The following PRKG1 variants were observed in gnomAD, a reference collection of about 807,000 sequenced individuals.
The protein encoded by PRKG1 is cGMP-dependent protein kinase 1.
A neutral mutation model predicts 88.1 loss-of-function variants in PRKG1; 35 were observed. That is an observed-to-expected ratio of 0.40 (90% confidence interval 0.30 to 0.53). The LOEUF is 0.53. Among genes scored for constraint, PRKG1 ranks in the 20% least tolerant of loss-of-function variants. The pLI, the probability that PRKG1 is intolerant of heterozygous loss-of-function variation, is 0.59. For synonymous variants in PRKG1, 303 were observed against 292.5 expected (o/e 1.04, Z -0.37); for missense variants, 540 against 839.8 (o/e 0.64, Z 4.41).
intron 3 of PRKG1, among the ~76,000 whole-genome samples, chr10:51,577,004 A>G (rs1837905378): frequency 6.6e-6 from 1 of 151,996 alleles, no homozygotes; most frequent in African/African-American, 2.4e-5. Context: ...TACTTTTTTA[A>G]AAAATAGAAC....
chr10:52,230,550 A>G (rs1052863806), intron 9 of PRKG1, among the ~76,000 whole-genome samples: 3 of 152,192 alleles, frequency 2.0e-5, no homozygotes, highest in Non-Finnish European at 2.9e-5. Flanking sequence ...CCAGTGAGTA[A>G]TGGAATTGGG....
At chr10:51,903,614 A>T (rs934814197) in intron 4 of PRKG1, among the ~76,000 whole-genome samples, 1 of 151,708 alleles carries the variant, frequency 6.6e-6, no homozygotes, top group Admixed American at 6.6e-5. Flanking sequence ...GGCAATCTTT[A>T]TTATTCCAGA....
At chr10:51,302,179 T>A (rs1447252333) in intron 2 of PRKG1, among the ~76,000 whole-genome samples, 1 of 152,234 alleles carries the variant, frequency 6.6e-6, no homozygotes, top group Non-Finnish European at 1.5e-5. Context: ...GGGGTTTAAT[T>A]GACACCTGTT....
chr10:50,995,274 A>C (rs1261659454), intron 1 of PRKG1, among the ~76,000 whole-genome samples: 1 of 152,216 alleles, frequency 6.6e-6, no homozygotes, highest in Non-Finnish European at 1.5e-5. Flanking sequence ...CTATGTGTCC[A>C]CAGAGGGTAT....
At chr10:51,081,961 C>A (rs1305232617) in intron 1 of PRKG1, among the ~76,000 whole-genome samples, 3 of 152,142 alleles carry the variant, frequency 2.0e-5, no homozygotes, top group Non-Finnish European at 4.4e-5. Flanking sequence ...GTCTCAGTTG[C>A]ACAGGCTGGT....
rs1843885002 is a variant in PRKG1 at position 51,977,772 on chromosome 10, T to C, written c.762+70202T>C. Among the ~76,000 whole-genome samples the C allele has an allele frequency of 1.3e-5, 2 of 152,136 alleles. 1 individual carries two copies. The highest frequency in any genetic ancestry group is 4.1e-4 in the South Asian group (2 of 4,824). ...TTATTGGCTGAATATGTGTCTTCTT[T>C]TGAAAAGTGTTTGTTCATGTCCTTT... On this transcript the variant is annotated intron_variant, in intron 5 of 17. Transcript: ENST00000373980.
At chr10:51,383,149 C>T (rs1398236207) in intron 2 of PRKG1, among the ~76,000 whole-genome samples, 3 of 152,014 alleles carry the variant, frequency 2.0e-5, no homozygotes, top group East Asian at 1.9e-4. Flanking sequence ...TAGAGAAGAT[C>T]CCTGAACAAC....
intron 8 of PRKG1, among the ~76,000 whole-genome samples, chr10:52,143,023 G>C (rs965663612): frequency 1.4e-5 from 2 of 139,088 alleles, no homozygotes; most frequent in Non-Finnish European, 3.1e-5. Flanking sequence ...TCAGCATATA[G>C]TAATTTGAGC....
At chr10:51,040,464 G>A (rs1243329234) in intron 1 of PRKG1, among the ~76,000 whole-genome samples, 1 of 151,274 alleles carries the variant, frequency 6.6e-6, no homozygotes, top group African/African-American at 2.4e-5. Context: ...GATTACAGGT[G>A]CCCTCCAATA....
chr10:51,274,365 G>T lies in PRKG1; in HGVS notation c.478+121035G>T, dbSNP rs73337579. Among the ~76,000 whole-genome samples, 481 of 151,984 alleles carry T rather than the reference G, an allele frequency of 3.2e-3. 4 individuals carry two copies. The highest frequency in any genetic ancestry group is 0.024 in the Middle Eastern group (7 of 294). ...CATGTCCACTGAAAGTTGCAATTTGGCTTTGATTTGGATTCCGCTGAAGTT... is the reference window on the plus strand; with the variant it reads ...CATGTCCACTGAAAGTTGCAATTTGTCTTTGATTTGGATTCCGCTGAAGTT... On this transcript the variant is annotated intron_variant, in intron 2 of 17. Coordinates refer to ENST00000373980, the MANE Select transcript of PRKG1 (RefSeq NM_006258.4).
At chr10:51,922,587 A>G (rs1188116495) in intron 5 of PRKG1, among the ~76,000 whole-genome samples, 2 of 151,740 alleles carry the variant, frequency 1.3e-5, no homozygotes, top group Non-Finnish European at 2.9e-5. Flanking sequence ...GAATTTTGGT[A>G]AGTTGCATTT....
chr10:51,753,500 T>A (rs7921717), intron 3 of PRKG1, among the ~76,000 whole-genome samples: 62,332 of 151,898 alleles, frequency 0.41, 13,391 homozygotes, highest in Middle Eastern at 0.56. Context: ...ATGATTTTTT[T>A]AATTATATTG....
chr10:51,726,943 A>ATT (rs369117746), intron 3 of PRKG1, among the ~76,000 whole-genome samples: 5 of 149,824 alleles, frequency 3.3e-5, no homozygotes, highest in African/African-American at 7.4e-5. Context: ...CACCCAGCTC[A>ATT]TTTTTTTTTG....
intron 2 of PRKG1, among the ~76,000 whole-genome samples, chr10:51,295,053 A>T (rs1173529076): frequency 6.6e-6 from 1 of 152,150 alleles, no homozygotes; most frequent in Admixed American, 6.5e-5. Context: ...ACTGCACTCC[A>T]GCCTGGGCAG....
chr10:51,033,338 G>A (rs1843311116), intron 1 of PRKG1, among the ~76,000 whole-genome samples: 2 of 152,254 alleles, frequency 1.3e-5, no homozygotes, highest in Non-Finnish European at 1.5e-5. Context: ...TACTGGGCAA[G>A]CCATTACCCT....
chr10:51,847,967 T>C (rs2132796009), intron 4 of PRKG1, among the ~76,000 whole-genome samples: 1 of 151,808 alleles, frequency 6.6e-6, no homozygotes, highest in African/African-American at 2.4e-5. Flanking sequence ...TGCATGACGT[T>C]TCATGGTTTT....
At chr10:52,163,225 TTGTGTGTG>T (rs150295348) in intron 9 of PRKG1, among the ~76,000 whole-genome samples, 4 of 146,814 alleles carry the variant, frequency 2.7e-5, no homozygotes, top group East Asian at 3.9e-4. Flanking sequence ...TTTCGTGTGT[TTGTGTGTG>T]TGTGTGTGTG....
chr10:51,654,081 A>C (rs750301039), intron 3 of PRKG1, among the ~76,000 whole-genome samples: 1 of 151,982 alleles, frequency 6.6e-6, no homozygotes, highest in African/African-American at 2.4e-5. Context: ...TTCGGGTCAT[A>C]TTAAAAAAAA....
intron 5 of PRKG1, among the ~76,000 whole-genome samples, chr10:51,970,050 A>ACACCCC (rs983494491): frequency 2.2e-5 from 3 of 133,470 alleles, no homozygotes; most frequent in Non-Finnish European, 4.7e-5. Context: ...ACACACACAC[A>ACACCCC]CCCATATTTA....
Sources: gnomAD v4.1 joint callset for allele counts (sites outside exome capture counted in the v4.1 genomes callset) on GRCh38, gnomAD v4.1.1 for gene constraint, MANE v1.5 for transcripts, NCBI Gene and HGNC (gene_info 2026-07-23, HGNC 2026-07-21) for gene names.